NPAS3: variants seen among roughly 807,000 people sequenced by gnomAD.
The protein encoded by NPAS3 is neuronal PAS domain protein 3, also known as neuronal PAS domain-containing protein 3.
In NPAS3, 14 loss-of-function variants were observed where a neutral mutation model predicts 73.1. That is an observed-to-expected ratio of 0.19 (90% CI 0.13 to 0.30). The LOEUF is 0.30. Among genes scored for constraint, NPAS3 ranks in the 10% least tolerant of loss-of-function variants. The pLI is 1.00. For missense variants in NPAS3, 1,096 were observed against 1,250.0 expected (o/e 0.88, Z 1.86); for synonymous variants, 620 against 541.5 (o/e 1.14, Z -2.01).
chr14:33,264,657 A>C (rs761249296), intron 3 of NPAS3, among the ~76,000 whole-genome samples: 1 of 151,988 alleles, frequency 6.6e-6, no homozygotes, highest in Non-Finnish European at 1.5e-5. Flanking sequence ...TCTGTCTTGA[A>C]CTCCCTCTGC....
intron 7 of NPAS3, among the ~76,000 whole-genome samples, chr14:33,760,396 C>T (rs775248978): frequency 6.6e-6 from 1 of 152,090 alleles, no homozygotes; most frequent in Non-Finnish European, 1.5e-5. Flanking sequence ...TCTAAAATAG[C>T]GCCTGGCAAT....
At position 33,668,402 on chromosome 14, in the gene NPAS3, T is replaced by C. The variant is rs560892024; in HGVS notation, c.559-7809T>C. Among the ~76,000 whole-genome samples the C allele has an allele frequency of 2.6e-5, 4 of 152,356 alleles. No homozygotes were observed. The South Asian group carries it at 8.3e-4, about 32-fold the overall frequency. On this transcript the variant is annotated intron_variant, in intron 5 of 11. Transcript: ENST00000356141. Reference sequence around the variant, plus strand: ...TTAAGCATATCTAAGGTTTTAGTCATATAAACCACATTATTTTACTGTGAC... The same window carrying C: ...TTAAGCATATCTAAGGTTTTAGTCACATAAACCACATTATTTTACTGTGAC...
At chr14:33,101,384 A>G (rs2042572497) in intron 2 of NPAS3, among the ~76,000 whole-genome samples, 1 of 152,222 alleles carries the variant, frequency 6.6e-6, no homozygotes, top group South Asian at 2.1e-4. Flanking sequence ...ATTGTAAACA[A>G]AGGATATGTT....
intron 4 of NPAS3, among the ~76,000 whole-genome samples, chr14:33,390,101 G>A (rs1416990371): frequency 6.6e-6 from 1 of 152,102 alleles, no homozygotes; most frequent in East Asian, 1.9e-4. Flanking sequence ...ATTAGAGATG[G>A]GAAGGATTGT....
Position 33,800,311 on chromosome 14 carries a change from G to A in NPAS3, c.2004G>A (p.Pro668=), listed in dbSNP as rs369059830. ...ATGACAGCAGCATCTGGAACTACCC[G>A]CCCAACCGGGAGATCTCCAGGAACG... is the stretch of plus-strand genomic sequence containing the variant. The change falls in exon 12 of 12, where the codon CCG becomes CCA. Residue 668 remains proline, a synonymous_variant. Coordinates refer to ENST00000356141, the Ensembl canonical transcript of NPAS3. The surrounding 1 kb of genome is among the most constrained non-coding windows in gnomAD (Gnocchi z 6.5). 1.7e-5 allele frequency: 28 copies of A among 1,613,346 alleles called. No individual in the cohort carries two copies. The highest frequency in any genetic ancestry group is 1.4e-4 in the South Asian group (13 of 91,058).
intron 2 of NPAS3, among the ~76,000 whole-genome samples, chr14:33,207,099 G>A (rs866830154): frequency 1.3e-5 from 2 of 152,158 alleles, no homozygotes; most frequent in Non-Finnish European, 2.9e-5. Context: ...GGGAATTGCT[G>A]CTTTCTCACT....
intron 2 of NPAS3, among the ~76,000 whole-genome samples, chr14:33,125,234 A>G (rs530181378): frequency 6.6e-6 from 1 of 152,064 alleles, no homozygotes; most frequent in African/African-American, 2.4e-5. Flanking sequence ...TAAGTTTATT[A>G]ATAATTTTTA....
chr14:33,130,971 G>A (rs1175088659), intron 2 of NPAS3, among the ~76,000 whole-genome samples: 1 of 152,100 alleles, frequency 6.6e-6, no homozygotes, highest in East Asian at 1.9e-4. Context: ...CCTCAGAGAT[G>A]GGTATTTATT....
intron 2 of NPAS3, among the ~76,000 whole-genome samples, chr14:33,093,264 A>G (rs1021622749): frequency 2.0e-5 from 3 of 152,170 alleles, no homozygotes; most frequent in African/African-American, 7.2e-5. Flanking sequence ...AACTCAAACA[A>G]ATTTACAAGA....
intron 3 of NPAS3, among the ~76,000 whole-genome samples, chr14:33,227,908 G>A (rs1351706439): frequency 6.6e-6 from 1 of 152,136 alleles, no homozygotes; most frequent in African/African-American, 2.4e-5. Flanking sequence ...TGGTAGTAAG[G>A]TTTTCTGGTC....
intron 2 of NPAS3, among the ~76,000 whole-genome samples, chr14:33,073,713 A>C (rs1005577247): frequency 2.6e-5 from 4 of 152,234 alleles, no homozygotes; most frequent in Admixed American, 6.5e-5. Flanking sequence ...GTCTTGAAGA[A>C]GAAAAGAGGA....
At chr14:33,672,675 C>T (rs1228974982) in intron 5 of NPAS3, among the ~76,000 whole-genome samples, 1 of 149,460 alleles carries the variant, frequency 6.7e-6, no homozygotes, top group Non-Finnish European at 1.5e-5. Flanking sequence ...TCTAGTCTGT[C>T]TCACCTGGTG....
At chr14:33,475,437 G>A (rs1259316066) in intron 4 of NPAS3, among the ~76,000 whole-genome samples, 1 of 151,142 alleles carries the variant, frequency 6.6e-6, no homozygotes, top group Non-Finnish European at 1.5e-5. Context: ...TTTTAACTTA[G>A]AGAACATCTG....
chr14:33,637,846 A>C (rs2058566598), intron 5 of NPAS3, among the ~76,000 whole-genome samples: 2 of 152,192 alleles, frequency 1.3e-5, no homozygotes, highest in South Asian at 4.1e-4. Context: ...AAGTTGCACT[A>C]AATATGATGG....
chr14:33,733,576 G>A (rs2061451654), intron 6 of NPAS3, among the ~76,000 whole-genome samples: 1 of 152,194 alleles, frequency 6.6e-6, no homozygotes, highest in Non-Finnish European at 1.5e-5. Context: ...TAAACTCTTA[G>A]AGCAGAAGTT....
At chr14:33,738,376 T>A (rs1441773360) in intron 7 of NPAS3, among the ~76,000 whole-genome samples, 5 of 152,138 alleles carry the variant, frequency 3.3e-5, no homozygotes, top group Non-Finnish European at 7.4e-5. Flanking sequence ...TATGAAAAAG[T>A]AATTAACTTA....
intron 5 of NPAS3, among the ~76,000 whole-genome samples, chr14:33,581,610 G>A (rs892101178): frequency 2.6e-5 from 4 of 151,992 alleles, no homozygotes; most frequent in Admixed American, 6.6e-5. Flanking sequence ...TCACTCTGTC[G>A]CCCAGGCTGG....
At chr14:32,992,865 G>C (rs888446946) in intron 1 of NPAS3, among the ~76,000 whole-genome samples, 3 of 151,988 alleles carry the variant, frequency 2.0e-5, no homozygotes, top group Admixed American at 1.3e-4. Flanking sequence ...GGAAAATTAT[G>C]GTCTCTCGGC....
intron 2 of NPAS3, among the ~76,000 whole-genome samples, chr14:33,165,474 AG>A (rs2045098308): frequency 6.6e-6 from 1 of 152,120 alleles, no homozygotes; most frequent in Non-Finnish European, 1.5e-5. Context: ...AAGTAGCCTC[AG>A]GGCTAATGTG....
Sources: allele counts gnomAD v4.1 joint callset (sites outside exome capture counted in the v4.1 genomes callset), GRCh38; gene constraint gnomAD v4.1.1; non-coding constraint Gnocchi (gnomAD v3.1); transcripts MANE v1.5; gene names NCBI Gene and HGNC (gene_info 2026-07-23, HGNC 2026-07-21).